The following SEPTIN9 variants were observed in gnomAD, a reference collection of about 807,000 sequenced individuals.
SEPTIN9 encodes septin 9.
A neutral mutation model predicts 56.6 loss-of-function variants in SEPTIN9; 13 were observed. The ratio of observed to expected loss-of-function variants is 0.23; its 90% CI spans 0.15 to 0.37. SEPTIN9 has a LOEUF of 0.37. Ranked by LOEUF, SEPTIN9 falls within the 10% of genes least tolerant of loss-of-function variation. The pLI, the probability that SEPTIN9 is intolerant of heterozygous loss-of-function variation, is 1.00. For synonymous variants in SEPTIN9, 332 were observed against 334.1 expected, an observed-to-expected ratio of 0.99 and a Z score of 0.07; for missense variants, 650 against 823.1, an observed-to-expected ratio of 0.79 and a Z score of 2.57.
At chr17:77,285,968 C>G (rs770829790) in intron 1 of SEPTIN9, among the ~76,000 whole-genome samples, 18 of 152,210 alleles carry the variant, frequency 1.2e-4, no homozygotes, top group Non-Finnish European at 2.4e-4. Context: ...CGGTGACAGG[C>G]GAGCGTGGGA....
intron 3 of SEPTIN9, among the ~76,000 whole-genome samples, chr17:77,432,715 C>T (rs1226744162): frequency 1.3e-5 from 2 of 152,254 alleles, no homozygotes; most frequent in East Asian, 3.8e-4. Context: ...ACTCACGCAG[C>T]ATTAGCTTTT....
chr17:77,488,181 G>A (rs2039875606), intron 5 of SEPTIN9, 59 bp from the exon 6 acceptor site: 2 of 1,526,034 alleles, frequency 1.3e-6, no homozygotes, highest in Non-Finnish European at 1.8e-6. Flanking sequence ...AGTCAGGTGT[G>A]GGGTGTCTGT....
intron 3 of SEPTIN9, among the ~76,000 whole-genome samples, chr17:77,467,395 T>G (rs896848108): frequency 1.3e-5 from 2 of 152,172 alleles, no homozygotes; most frequent in African/African-American, 4.8e-5. Context: ...TTACTGTGTC[T>G]TCTGTGTTCC....
At chr17:77,294,087 G>A (rs1207540241) in intron 1 of SEPTIN9, among the ~76,000 whole-genome samples, 1 of 145,356 alleles carries the variant, frequency 6.9e-6, no homozygotes, top group Non-Finnish European at 1.5e-5. Flanking sequence ...CTGGGTGAGA[G>A]AGTGAGACCA....
chr17:77,408,097 A>AT (rs1251835222), intron 3 of SEPTIN9, among the ~76,000 whole-genome samples: 20 of 152,204 alleles, frequency 1.3e-4, no homozygotes, highest in Middle Eastern at 6.8e-3. Context: ...TGGGATGCTC[A>AT]CTGGGGGCAA....
rs189725705 is a variant in SEPTIN9 at position 77,400,997 on chromosome 17, G to A, written c.77-1062G>A. 6.6e-6 allele frequency among the ~76,000 whole-genome samples: 1 copy of A among 152,138 alleles called. No individual in the cohort carries two copies. Among genetic ancestry groups the A allele is most frequent in the Non-Finnish European group, 1.5e-5 (1 of 68,026 alleles). The stretch of plus-strand genomic sequence containing the variant: ...GAGCTGGTGGTTGGCATCACTGCAC[G>A]GGCTTGTAGTAGTGGATGGGAAGAT... On this transcript the variant is annotated intron_variant, in intron 2 of 11. Coordinates refer to ENST00000427177, the MANE Select transcript of SEPTIN9 (RefSeq NM_001113491.2). This position sits in a 1 kb window ranked among gnomAD's most constrained non-coding sequence, Gnocchi z 4.1.
chr17:77,397,217 G>T (rs867529039), intron 2 of SEPTIN9, among the ~76,000 whole-genome samples: 1 of 152,140 alleles, frequency 6.6e-6, no homozygotes, highest in Non-Finnish European at 1.5e-5. Flanking sequence ...CACTCCCTCC[G>T]ACAGCTCGAG....
chr17:77,498,653 A>T lies in SEPTIN9; in HGVS notation c.1756A>T (p.Met586Leu), dbSNP rs758080294. The change falls in exon 12 of 12, where the codon ATG (methionine) becomes TTG (leucine). Residue 586 changes from methionine (M) to leucine (L), a missense_variant. Met to Leu is a conservative substitution (Grantham distance 15, BLOSUM62 2). Transcript: ENST00000427177. Reference sequence around the variant, plus strand: ...GGAGAAGGAGCCAGAAGCCCCGGAGATGTAGACGCCACCCTGCCCACCCCC... The same window carrying T: ...GGAGAAGGAGCCAGAAGCCCCGGAGTTGTAGACGCCACCCTGCCCACCCCC... ...MEEKEPEAPEM is the reference protein window; with the variant it reads ...MEEKEPEAPEL The T allele has an allele frequency of 1.1e-5, 18 of 1,607,812 alleles. No individual in the cohort carries two copies. The highest frequency in any genetic ancestry group is 1.4e-5 in the Non-Finnish European group (17 of 1,177,810).
intron 2 of SEPTIN9, among the ~76,000 whole-genome samples, chr17:77,397,552 C>T (rs555482558): frequency 3.9e-5 from 6 of 152,262 alleles, no homozygotes; most frequent in Admixed American, 1.3e-4. Context: ...GAACCTCAGA[C>T]GAAAGTGAAT....
chr17:77,464,601 ATTTTTTT>A, intron 3 of SEPTIN9, among the ~76,000 whole-genome samples: 1 of 139,948 alleles, frequency 7.1e-6, no homozygotes, highest in South Asian at 2.3e-4. Flanking sequence ...TGACACAGAA[ATTTTTTT>A]TTTTTTTTTT....
intron 4 of SEPTIN9, among the ~76,000 whole-genome samples, chr17:77,485,147 T>TG (rs2039701216): frequency 2.2e-5 from 3 of 136,460 alleles, no homozygotes; most frequent in East Asian, 3.3e-4. Context: ...GTGGTGATTG[T>TG]GATGGGGGTG....
intron 3 of SEPTIN9, among the ~76,000 whole-genome samples, chr17:77,457,267 C>G (rs578148956): frequency 8.5e-5 from 13 of 152,256 alleles, no homozygotes; most frequent in African/African-American, 3.1e-4. Context: ...CAGACCTCTG[C>G]TGAGTCTCCA....
chr17:77,475,639 TGCATTGTTACGAG>T lies in SEPTIN9; in HGVS notation c.722-6501_722-6489del, dbSNP rs1301113340. 1 of 1,613,790 alleles carries T rather than the reference TGCATTGTTACGAG, an allele frequency of 6.2e-7. No individual in the cohort carries two copies. Among genetic ancestry groups the T allele is most frequent in the South Asian group, 1.1e-5 (1 of 91,088 alleles). ...AGGGCAGCTGGAGGCTGCTCCAGTG[TGCATTGTTACGAG>T]GCAAAGTAAGGAGACTGCTGGGCCC... On this transcript the variant is annotated intron_variant, in intron 3 of 11. Coordinates refer to ENST00000427177, the MANE Select transcript of SEPTIN9 (RefSeq NM_001113491.2). This position sits in a 1 kb window ranked among gnomAD's most constrained non-coding sequence, Gnocchi z 4.6.
chr17:77,346,673 T>TACTCTATAC, intron 2 of SEPTIN9, among the ~76,000 whole-genome samples: 1 of 152,326 alleles, frequency 6.6e-6, no homozygotes, highest in East Asian at 1.9e-4. Flanking sequence ...TAGAGCTTTA[T>TACTCTATAC]AACTGCTGAT....
chr17:77,490,811 C>T lies in SEPTIN9; in HGVS notation c.1332C>T (p.Ala444=). 6.3e-7 allele frequency: 1 copy of T among 1,595,490 alleles called. No homozygotes were observed. The highest frequency in any genetic ancestry group is 1.1e-5 in the South Asian group (1 of 87,858). The change falls in exon 8 of 12, where the codon GCC becomes GCT. Residue 444 remains alanine, a synonymous_variant. Transcript: ENST00000427177. ...SKVVNIVPVI[A]KADTLTLEER... ...TGGTCAACATCGTCCCTGTCATCGC[C>T]AAGGCGGACACACTCACCCTGGAGG...
chr17:77,479,407 G>A (rs1365581130), intron 3 of SEPTIN9, among the ~76,000 whole-genome samples: 2 of 152,220 alleles, frequency 1.3e-5, no homozygotes, highest in African/African-American at 2.4e-5. Context: ...AGAGCGAGGC[G>A]GGCTCTTGCA....
At chr17:77,340,884 C>T (rs1380975021) in intron 2 of SEPTIN9, among the ~76,000 whole-genome samples, 1 of 152,228 alleles carries the variant, frequency 6.6e-6, no homozygotes, top group Admixed American at 6.5e-5. Context: ...ACTTCATGAC[C>T]TGACCTCTGC....
chr17:77,342,348 G>A (rs893665747), intron 2 of SEPTIN9, among the ~76,000 whole-genome samples: 6 of 152,290 alleles, frequency 3.9e-5, no homozygotes, highest in East Asian at 1.9e-4. Flanking sequence ...GGTAGGATCC[G>A]TAAGGAAAAC....
At chr17:77,301,323 C>T (rs1029963573) in intron 1 of SEPTIN9, among the ~76,000 whole-genome samples, 1 of 151,932 alleles carries the variant, frequency 6.6e-6, no homozygotes, top group African/African-American at 2.4e-5. Context: ...TCCCAAACTG[C>T]TGAGGTTACA....
Sources: allele counts gnomAD v4.1 joint callset (sites outside exome capture counted in the v4.1 genomes callset), GRCh38; gene constraint gnomAD v4.1.1; non-coding constraint Gnocchi (gnomAD v3.1); transcripts MANE v1.5; gene names NCBI Gene and HGNC (gene_info 2026-07-23, HGNC 2026-07-21).